Variants in ZNF568 observed in about 807,000 individuals in gnomAD.
ZNF568 encodes p53 inhibitor of SCO2 activation.
A neutral mutation model predicts 18.1 loss-of-function variants in ZNF568; 11 were observed. That is an observed-to-expected ratio of 0.61 (90% CI 0.38 to 1.00). ZNF568 has a LOEUF of 1.00. Among genes scored for constraint, ZNF568 ranks in the 50% least tolerant of loss-of-function variants. The probability of loss-of-function intolerance (pLI) is 0.01; values close to 1 mark genes in which losing one functional copy is unlikely to be tolerated. For synonymous variants in ZNF568, 213 were observed against 246.6 expected (o/e 0.86, Z 1.28); for missense variants, 639 against 768.2 (o/e 0.83, Z 1.99).
At chr19:36,963,321 T>C (rs1187726675) in intron 6 of ZNF568, among the ~76,000 whole-genome samples, 1 of 152,206 alleles carries the variant, frequency 6.6e-6, no homozygotes, top group Non-Finnish European at 1.5e-5. Flanking sequence ...TTTTCTTAGC[T>C]TGATAAATGA....
At chr19:36,977,903 A>G (rs2074298664) in intron 7 of ZNF568, among the ~76,000 whole-genome samples, 2 of 152,220 alleles carry the variant, frequency 1.3e-5, no homozygotes, top group South Asian at 4.1e-4. Context: ...ATGGAAATTC[A>G]CCTGCACTTA....
downstream of ZNF568, among the ~76,000 whole-genome samples, chr19:36,982,387 A>C (rs948621415): frequency 6.6e-6 from 1 of 151,870 alleles, no homozygotes; most frequent in Non-Finnish European, 1.5e-5. Flanking sequence ...GCATTTTTAA[A>C]ATGCCTTTTC....
At chr19:36,985,715 G>A (rs1406631103) in intron 2 of ZNF568, among the ~76,000 whole-genome samples, 1 of 152,180 alleles carries the variant, frequency 6.6e-6, no homozygotes, top group Non-Finnish European at 1.5e-5. Flanking sequence ...TAGAGATGGG[G>A]TTTCCCCAGA....
chr19:36,922,817 A>G lies in ZNF568; in HGVS notation c.47A>G (p.Glu16Gly). ...ATCAGCAATAGCTGTGTGACAATGG[A>G]GCGTTTGAGCCACATGATGGAAAGG... ...SVISNSCVTM[E>G]RLSHMMERKA... The change falls in exon 3 of 7, where the codon GAG becomes GGG. Residue 16 changes from glutamate to glycine, a missense_variant. Transcript: ENST00000333987. The G allele has an allele frequency of 3.7e-6, 6 of 1,613,986 alleles. No homozygotes were observed. Among genetic ancestry groups the G allele is most frequent in the Non-Finnish European group, 5.1e-6 (6 of 1,179,974 alleles).
chr19:36,962,744 T>G (rs1483047820), intron 6 of ZNF568, among the ~76,000 whole-genome samples: 1 of 152,098 alleles, frequency 6.6e-6, no homozygotes, highest in Non-Finnish European at 1.5e-5. Context: ...TAATTTTGCT[T>G]GATGTAGCAT....
chr19:36,966,300 G>A (rs1257236536), intron 6 of ZNF568, among the ~76,000 whole-genome samples: 1 of 151,810 alleles, frequency 6.6e-6, no homozygotes, highest in African/African-American at 2.4e-5. Context: ...AAAAAGAAAT[G>A]GGGTCTTGCT....
chr19:36,937,510 T>C (rs1283839099), intron 6 of ZNF568, among the ~76,000 whole-genome samples: 2 of 152,346 alleles, frequency 1.3e-5, no homozygotes, highest in African/African-American at 4.8e-5. Context: ...ACAGCTTCAC[T>C]TTCAGGATTA....
chr19:36,996,302 CTTA>C, intron 4 of ZNF568: 1 of 1,504,318 alleles, frequency 6.6e-7, no homozygotes, highest in Non-Finnish European at 8.8e-7. Context: ...TATTTTCTTT[CTTA>C]TTATTTTGCA....
At chr19:36,984,252 CTAATA>C (rs1220527907), downstream of ZNF568, among the ~76,000 whole-genome samples, 1 of 152,146 alleles carries the variant, frequency 6.6e-6, no homozygotes, top group Non-Finnish European at 1.5e-5. Flanking sequence ...CTTGTAATTA[CTAATA>C]TAATTGAAGG....
chr19:36,937,347 T>G, intron 6 of ZNF568, 105 bp downstream of exon 6: 1 of 805,556 alleles, frequency 1.2e-6, no homozygotes, highest in Non-Finnish European at 1.9e-6. Context: ...AAGGCCTTAT[T>G]CTTCTAGAGT....
chr19:36,917,126 A>C (rs1332644131), intron 1 of ZNF568, among the ~76,000 whole-genome samples: 1 of 152,186 alleles, frequency 6.6e-6, no homozygotes, highest in African/African-American at 2.4e-5. Flanking sequence ...TCTCCTGTTC[A>C]CAGGCTTGCG....
intron 7 of ZNF568, among the ~76,000 whole-genome samples, chr19:36,977,912 T>C (rs990024982): frequency 6.6e-6 from 1 of 152,246 alleles, no homozygotes; most frequent in African/African-American, 2.4e-5. Context: ...CACCTGCACT[T>C]ACACTGGCAA....
Position 36,959,738 on chromosome 19 carries a change from TTA to T in ZNF568, c.359-14680_359-14679del, listed in dbSNP as rs138237616. ...CCTCGTCATTCAGTCTTGGTAAGTT[TTA>T]TGTTTTCAGGAATATATCTGTTTTC... On this transcript the variant is annotated intron_variant, in intron 6 of 7. Transcript: ENST00000427117. Among the ~76,000 whole-genome samples, 118 of 152,264 alleles carry T rather than the reference TTA, an allele frequency of 7.7e-4. 1 individual carries two copies. Among genetic ancestry groups the T allele is most frequent in the African/African-American group, 2.7e-3 (113 of 41,560 alleles).
At chr19:36,938,692 T>TA (rs2073830211) in intron 6 of ZNF568, among the ~76,000 whole-genome samples, 1 of 152,224 alleles carries the variant, frequency 6.6e-6, no homozygotes, top group Non-Finnish European at 1.5e-5. Context: ...TACAGACAGT[T>TA]ACCTGAGGGA....
At chr19:36,987,369 T>G (rs1347520473) in intron 2 of ZNF568, among the ~76,000 whole-genome samples, 4 of 152,192 alleles carry the variant, frequency 2.6e-5, no homozygotes, top group African/African-American at 9.7e-5. Context: ...TGCTGGTCAT[T>G]CTGGAGAGTC....
Position 36,960,110 on chromosome 19 carries a change from C to CT in ZNF568, c.359-14288dup, listed in dbSNP as rs34588591. Among the ~76,000 whole-genome samples the CT allele has an allele frequency of 8.2e-3, 719 of 87,660 alleles. 44 individuals carry two copies. The highest frequency in any genetic ancestry group is 0.031 in the East Asian group (105 of 3,432). 57.5% of individuals were successfully genotyped at this position (87,660 alleles called of 152,430 possible). A position where few individuals can be genotyped will look rare whatever the true frequency, so the allele number is the denominator to read the frequency against. ...AGAGTGTTAATTTGTAATTGTTCTA[C>CT]TTTTTTTTTTTTTTTTTTTTTTGAG... On this transcript the variant is annotated intron_variant, in intron 6 of 7. Transcript: ENST00000427117.
chr19:36,937,435 T>C (rs1482589990), intron 6 of ZNF568, among the ~76,000 whole-genome samples, 193 bp downstream of exon 6: 1 of 152,238 alleles, frequency 6.6e-6, no homozygotes, highest in East Asian at 1.9e-4. Flanking sequence ...TATTTTCCTC[T>C]TTTAAATTGT....
At chr19:36,996,885 G>A (rs1467275237) in exon 5 of ZNF568, 1 of 1,538,956 alleles carries the variant, frequency 6.5e-7, no homozygotes, top group Admixed American at 2.0e-5. Context: ...ATAAGTGTAG[G>A]GAGTGTGGGA....
At chr19:36,992,957 A>C (rs922196724) in intron 4 of ZNF568, among the ~76,000 whole-genome samples, 2 of 152,216 alleles carry the variant, frequency 1.3e-5, no homozygotes, top group Admixed American at 1.3e-4. Flanking sequence ...CCATAGTGTA[A>C]CATATACCAG....
Sources: gnomAD v4.1 joint callset for allele counts (sites outside exome capture counted in the v4.1 genomes callset) on GRCh38, gnomAD v4.1.1 for gene constraint, MANE v1.5 for transcripts, NCBI Gene and HGNC (gene_info 2026-07-23, HGNC 2026-07-21) for gene names.